The following GRID1 variants were observed in gnomAD, a reference collection of about 807,000 sequenced individuals.
GRID1 encodes glutamate receptor ionotropic, delta-1.
In GRID1, 28 loss-of-function variants were observed where a neutral mutation model predicts 98.0. The observed-to-expected ratio is 0.29, with a 90% CI of 0.21 to 0.39. The LOEUF (loss-of-function observed/expected upper bound fraction) is 0.39, where lower values mean the gene tolerates loss of function less well. Ranked by LOEUF, GRID1 falls within the 10% of genes least tolerant of loss-of-function variation. The probability of loss-of-function intolerance (pLI) is 1.00; values close to 1 mark genes in which losing one functional copy is unlikely to be tolerated. For missense variants in GRID1, 1,111 were observed against 1,340.5 expected (o/e 0.83, Z 2.67); for synonymous variants, 553 against 538.5 (o/e 1.03, Z -0.37).
intron 8 of GRID1, among the ~76,000 whole-genome samples, chr10:85,738,496 A>G (rs565651072): frequency 2.6e-5 from 4 of 152,328 alleles, no homozygotes; most frequent in Non-Finnish European, 4.4e-5. Flanking sequence ...CCACTCCTAG[A>G]CATTACATAA....
At position 86,083,288 on chromosome 10, in the gene GRID1, G is replaced by A. The variant is rs370555436; in HGVS notation, c.726+55531C>T. Among the ~76,000 whole-genome samples, 12 of 152,304 alleles carry A rather than the reference G, an allele frequency of 7.9e-5. No individual in the cohort carries two copies. In the South Asian group the frequency reaches 1.2e-3, roughly 16 times the overall value. ...GCTCTCGTAGCGGTTGAGGACTGGC[G>A]GGGAGAACTTGTCCCTGAGTGTGTG... On this transcript the variant is annotated intron_variant, in intron 4 of 15. Transcript: ENST00000327946.
chr10:85,768,412 G>GC (rs1842217701), intron 8 of GRID1, among the ~76,000 whole-genome samples: 1 of 14,846 alleles, frequency 6.7e-5, no homozygotes, highest in South Asian at 2.1e-3. Context: ...CTTCCAAGTG[G>GC]TAAAAAAAAA....
At chr10:86,099,987 G>T (rs916819058) in intron 4 of GRID1, among the ~76,000 whole-genome samples, 3 of 152,178 alleles carry the variant, frequency 2.0e-5, no homozygotes, top group African/African-American at 7.2e-5. Flanking sequence ...CAGGGATGCT[G>T]GTGCAGGGAA....
chr10:86,075,358 G>T (rs1363041310), intron 4 of GRID1, among the ~76,000 whole-genome samples: 1 of 147,954 alleles, frequency 6.8e-6, no homozygotes, highest in East Asian at 2.0e-4. Flanking sequence ...ACAGGGAGAA[G>T]GCCATGGGAA....
chr10:85,609,536 G>A (rs1842710763), intron 15 of GRID1, among the ~76,000 whole-genome samples: 1 of 152,252 alleles, frequency 6.6e-6, no homozygotes, highest in African/African-American at 2.4e-5. Flanking sequence ...GAAAGGGTGT[G>A]GAGTTGAAGA....
intron 2 of GRID1, among the ~76,000 whole-genome samples, chr10:86,348,104 T>C (rs1283768809): frequency 1.3e-5 from 2 of 152,236 alleles, no homozygotes. Context: ...GTGAGCTCTC[T>C]GGGACACACA....
At chr10:85,863,478 G>C (rs1399662724) in intron 6 of GRID1, among the ~76,000 whole-genome samples, 3 of 152,226 alleles carry the variant, frequency 2.0e-5, no homozygotes, top group Non-Finnish European at 4.4e-5. Flanking sequence ...AAGGGAATTT[G>C]TTGTCTTGTT....
intron 8 of GRID1, among the ~76,000 whole-genome samples, chr10:85,840,538 A>C (rs1359243289): frequency 1.3e-5 from 2 of 152,166 alleles, no homozygotes; most frequent in African/African-American, 2.4e-5. Flanking sequence ...GAGGAGGAGA[A>C]GTTAAACTAT....
chr10:86,337,048 T>C (rs1848232569), intron 2 of GRID1, among the ~76,000 whole-genome samples: 1 of 151,772 alleles, frequency 6.6e-6, no homozygotes, highest in Non-Finnish European at 1.5e-5. Context: ...AGGCGGGGTT[T>C]CACCGTGTTA....
At chr10:85,925,955 A>G (rs1383593924) in intron 4 of GRID1, among the ~76,000 whole-genome samples, 1 of 152,286 alleles carries the variant, frequency 6.6e-6, no homozygotes, top group Non-Finnish European at 1.5e-5. Context: ...TTCTTAAGGC[A>G]ATAAAGTTGA....
chr10:85,967,338 G>GAGAAAGAAAGAA (rs3057905), intron 4 of GRID1, among the ~76,000 whole-genome samples: 3 of 151,558 alleles, frequency 2.0e-5, no homozygotes, highest in East Asian at 1.9e-4. Flanking sequence ...ACCACCAAAA[G>GAGAAAGAAAGAA]AGAAAGAAAG....
At chr10:86,069,120 C>T (rs917827847) in intron 4 of GRID1, among the ~76,000 whole-genome samples, 1 of 151,988 alleles carries the variant, frequency 6.6e-6, no homozygotes, top group Non-Finnish European at 1.5e-5. Flanking sequence ...AAGGGCAGGG[C>T]GTGGAGGTGT....
chr10:86,177,893 G>T (rs1170125314), intron 3 of GRID1, among the ~76,000 whole-genome samples: 1 of 152,094 alleles, frequency 6.6e-6, no homozygotes, highest in South Asian at 2.1e-4. Context: ...AGAAACAAAG[G>T]CTCCAGTATG....
chr10:85,739,981 C>A (rs1050802435), intron 8 of GRID1, among the ~76,000 whole-genome samples: 1 of 152,158 alleles, frequency 6.6e-6, no homozygotes, highest in African/African-American at 2.4e-5. Context: ...AAGGTTTGAA[C>A]TGTTTTACCT....
At chr10:85,899,218 C>T (rs534665870) in intron 5 of GRID1, among the ~76,000 whole-genome samples, 2 of 152,316 alleles carry the variant, frequency 1.3e-5, no homozygotes, top group South Asian at 4.1e-4. Context: ...GTCCTCCAGG[C>T]TCATCCATGT....
chr10:85,869,142 A>G lies in GRID1; in HGVS notation c.819T>C (p.Ser273=). 5.0e-6 allele frequency: 8 copies of G among 1,613,988 alleles called. No homozygotes were observed. The highest frequency in any genetic ancestry group is 6.8e-6 in the Non-Finnish European group (8 of 1,179,852). ...SDPEILDLVH[S]ALGRMTVVRQ... ...GGACCACGGTCATCCTTCCAAGGGC[A>G]CTATGGACCAGATCCAGGATCTCCG... Residue 273 remains serine (S), a synonymous_variant, in exon 6 of 16, where the codon AGT becomes AGC. Coordinates refer to ENST00000327946, the MANE Select transcript of GRID1 (RefSeq NM_017551.3).
rs185465099 is a variant in GRID1 at position 86,316,601 on chromosome 10, T to C, written c.235+47340A>G. 3.4e-3 allele frequency among the ~76,000 whole-genome samples: 512 copies of C among 152,330 alleles called. 2 individuals carry two copies. The highest frequency in any genetic ancestry group is 6.8e-3 in the Middle Eastern group (2 of 294). On this transcript the variant is annotated intron_variant, in intron 2 of 15. Coordinates refer to ENST00000327946, the MANE Select transcript of GRID1 (RefSeq NM_017551.3). The stretch of plus-strand genomic sequence containing the variant: ...GGGAGGGCAGAGCCCCAGTGGAAGA[T>C]GGGACACAGGGTGGAGATGGAGCCA...
At chr10:85,880,768 G>T (rs1319414708) in intron 5 of GRID1, among the ~76,000 whole-genome samples, 1 of 152,002 alleles carries the variant, frequency 6.6e-6, no homozygotes, top group Non-Finnish European at 1.5e-5. Context: ...GGAAGTTCTG[G>T]CCAGGGCAAT....
intron 4 of GRID1, among the ~76,000 whole-genome samples, chr10:86,053,347 C>T (rs952281390): frequency 1.4e-5 from 2 of 145,344 alleles, no homozygotes; most frequent in South Asian, 2.5e-4. Flanking sequence ...TTCTTTGCTC[C>T]ATTTTTTTTT....
Sources: allele counts gnomAD v4.1 joint callset (sites outside exome capture counted in the v4.1 genomes callset), GRCh38; gene constraint gnomAD v4.1.1; transcripts MANE v1.5; gene names NCBI Gene and HGNC (gene_info 2026-07-23, HGNC 2026-07-21).